Variants in SDK1 observed in about 807,000 individuals in gnomAD.
SDK1 encodes protein sidekick-1.
A neutral mutation model predicts 245.5 loss-of-function variants in SDK1; 157 were observed. That is an observed-to-expected ratio of 0.64 (90% CI 0.56 to 0.73). The LOEUF (loss-of-function observed/expected upper bound fraction) is 0.73. Ranked by LOEUF, SDK1 falls within the 30% of genes least tolerant of loss-of-function variation. The pLI is 0.00. For missense variants in SDK1, 3,583 were observed against 3,002.3 expected, an observed-to-expected ratio of 1.19 and a Z score of -4.52; for synonymous variants, 1,647 against 1,278.5, an observed-to-expected ratio of 1.29 and a Z score of -6.15.
chr7:3,425,334 A>G (rs1779645973), intron 1 of SDK1, among the ~76,000 whole-genome samples: 1 of 152,192 alleles, frequency 6.6e-6, no homozygotes, highest in African/African-American at 2.4e-5. Context: ...ATAAATCAAG[A>G]ATTGAATGAA....
chr7:3,499,160 G>T (rs1273780261), intron 1 of SDK1, among the ~76,000 whole-genome samples: 1 of 152,112 alleles, frequency 6.6e-6, no homozygotes, highest in Non-Finnish European at 1.5e-5. Flanking sequence ...CTGGCTTTCT[G>T]AATAGCTGAA....
At chr7:3,669,052 C>G (rs1304416389) in intron 4 of SDK1, among the ~76,000 whole-genome samples, 1 of 152,048 alleles carries the variant, frequency 6.6e-6, no homozygotes, top group Admixed American at 6.5e-5. Flanking sequence ...TACCAAAGCT[C>G]TTTGAGAGAA....
intron 44 of SDK1, among the ~76,000 whole-genome samples, chr7:4,254,897 C>G (rs944094944): frequency 1.3e-5 from 2 of 151,282 alleles, no homozygotes; most frequent in African/African-American, 4.9e-5. Context: ...GTGGTTTTAG[C>G]TGGGCTCCCT....
At chr7:3,461,118 C>G (rs989695631) in intron 1 of SDK1, among the ~76,000 whole-genome samples, 1 of 152,044 alleles carries the variant, frequency 6.6e-6, no homozygotes, top group Non-Finnish European at 1.5e-5. Context: ...ATGTGTTGTA[C>G]AAACCAATTA....
At chr7:3,779,610 T>A (rs1400623451) in intron 4 of SDK1, among the ~76,000 whole-genome samples, 1 of 152,190 alleles carries the variant, frequency 6.6e-6, no homozygotes, top group Admixed American at 6.5e-5. Flanking sequence ...AATCTGCAAC[T>A]AAACTAAAAT....
At chr7:4,252,833 CTCT>C (rs1489890345) in intron 44 of SDK1, among the ~76,000 whole-genome samples, 89 of 140,884 alleles carry the variant, frequency 6.3e-4, no homozygotes, top group African/African-American at 2.2e-3. Context: ...TTCCCCCCCC[CTCT>C]TTTTTTTTTT....
chr7:3,501,737 T>C (rs183290573), intron 1 of SDK1, among the ~76,000 whole-genome samples: 168 of 152,338 alleles, frequency 1.1e-3, no homozygotes, highest in African/African-American at 3.3e-3. Flanking sequence ...TTATTTTTTG[T>C]TGAAGTATGT....
chr7:3,482,600 G>C (rs1562513814), intron 1 of SDK1, among the ~76,000 whole-genome samples: 1 of 152,184 alleles, frequency 6.6e-6, no homozygotes, highest in Non-Finnish European at 1.5e-5. Flanking sequence ...ATGACCACCA[G>C]AGGGCCTCCC....
At chr7:3,460,680 T>C (rs573252289) in intron 1 of SDK1, among the ~76,000 whole-genome samples, 1 of 152,278 alleles carries the variant, frequency 6.6e-6, no homozygotes, top group East Asian at 1.9e-4. Context: ...TTAGAAATAG[T>C]TTTGTGTGTG....
chr7:3,609,437 G>C (rs529891347), intron 1 of SDK1, among the ~76,000 whole-genome samples: 2 of 152,058 alleles, frequency 1.3e-5, no homozygotes, highest in East Asian at 1.9e-4. Context: ...GTCTCACTCT[G>C]TTGCCCAGGC....
At chr7:3,920,492 G>A (rs1292675703) in intron 5 of SDK1, among the ~76,000 whole-genome samples, 2 of 152,132 alleles carry the variant, frequency 1.3e-5, no homozygotes, top group African/African-American at 4.8e-5. Flanking sequence ...TCTAGCTGGA[G>A]TGACTAGAGG....
At chr7:3,650,627 G>C (rs564054903) in intron 4 of SDK1, among the ~76,000 whole-genome samples, 1 of 152,128 alleles carries the variant, frequency 6.6e-6, no homozygotes, top group Admixed American at 6.5e-5. Context: ...TACTGACTTT[G>C]ATACATCAAC....
At chr7:3,707,906 A>G (rs1784936590) in intron 4 of SDK1, among the ~76,000 whole-genome samples, 1 of 152,196 alleles carries the variant, frequency 6.6e-6, no homozygotes, top group Non-Finnish European at 1.5e-5. Context: ...TTTGCATGGA[A>G]TATCTTTTTC....
At chr7:3,700,415 T>G (rs1784707220) in intron 4 of SDK1, among the ~76,000 whole-genome samples, 1 of 152,220 alleles carries the variant, frequency 6.6e-6, no homozygotes, top group African/African-American at 2.4e-5. Context: ...TTTATGACAG[T>G]CATACTTGGT....
chr7:4,136,204 A>C (rs1453226903), intron 28 of SDK1, among the ~76,000 whole-genome samples: 1 of 152,200 alleles, frequency 6.6e-6, no homozygotes, highest in African/African-American at 2.4e-5. Flanking sequence ...GTCATGCAGC[A>C]TTGGCTTGTA....
intron 4 of SDK1, among the ~76,000 whole-genome samples, chr7:3,710,889 G>C (rs1228204454): frequency 6.6e-6 from 1 of 152,124 alleles, no homozygotes; most frequent in Non-Finnish European, 1.5e-5. Context: ...ATACCTGGTT[G>C]ATATCTTTAT....
chr7:3,659,779 G>A (rs1239749747), intron 4 of SDK1, among the ~76,000 whole-genome samples: 2 of 152,232 alleles, frequency 1.3e-5, no homozygotes, highest in Non-Finnish European at 1.5e-5. Context: ...CAAATGCCCC[G>A]GCAAGGGGGA....
intron 1 of SDK1, among the ~76,000 whole-genome samples, chr7:3,548,279 A>G (rs551141531): frequency 3.3e-5 from 5 of 152,312 alleles, no homozygotes; most frequent in Admixed American, 3.3e-4. Flanking sequence ...CATCTGGAAA[A>G]AATAATTGTA....
chr7:4,200,142 G>A (rs561443550), intron 35 of SDK1, among the ~76,000 whole-genome samples: 28 of 152,130 alleles, frequency 1.8e-4, no homozygotes, highest in African/African-American at 4.8e-4. Context: ...TTTCCTCTGC[G>A]TACCTGTAGT....
Sources: gnomAD v4.1 joint callset for allele counts (sites outside exome capture counted in the v4.1 genomes callset) on GRCh38, gnomAD v4.1.1 for gene constraint, MANE v1.5 for transcripts, NCBI Gene and HGNC (gene_info 2026-07-23, HGNC 2026-07-21) for gene names.